The following PTPRO variants were observed in gnomAD, a reference collection of about 807,000 sequenced individuals.
The protein encoded by PTPRO is protein tyrosine phosphatase receptor type O, also known as receptor-type tyrosine-protein phosphatase O.
PTPRO carries 62 observed loss-of-function variants against 145.2 expected under a neutral mutation model. The observed-to-expected ratio is 0.43, with a 90% CI of 0.35 to 0.53. The LOEUF (loss-of-function observed/expected upper bound fraction) is 0.53, where lower values mean the gene tolerates loss of function less well. PTPRO is among the 20% of genes least tolerant of loss of function. PTPRO has a pLI of 0.01. For missense variants in PTPRO, 1,345 were observed against 1,482.7 expected, an observed-to-expected ratio of 0.91 and a Z score of 1.53; for synonymous variants, 565 against 514.7, an observed-to-expected ratio of 1.10 and a Z score of -1.32.
At chr12:15,501,308 A>C (rs1942217052) in intron 4 of PTPRO, among the ~76,000 whole-genome samples, 1 of 152,310 alleles carries the variant, frequency 6.6e-6, no homozygotes, top group African/African-American at 2.4e-5. Flanking sequence ...AATTACGATA[A>C]ACTGAAAAAT....
At chr12:15,500,957 T>C (rs763557299) in intron 4 of PTPRO, among the ~76,000 whole-genome samples, 1 of 151,988 alleles carries the variant, frequency 6.6e-6, no homozygotes, top group Non-Finnish European at 1.5e-5. Context: ...ATGGAAGAGG[T>C]GATAATGGAA....
At chr12:15,513,099 GAA>G (rs1438171649) in intron 7 of PTPRO, among the ~76,000 whole-genome samples, 1 of 17,060 alleles carries the variant, frequency 5.9e-5, no homozygotes, top group Admixed American at 1.2e-3. Context: ...AAAGAAGAAA[GAA>G]AGAAAGAAAG....
intron 1 of PTPRO, among the ~76,000 whole-genome samples, chr12:15,469,776 A>G (rs1313702329): frequency 6.6e-6 from 1 of 151,908 alleles, no homozygotes; most frequent in African/African-American, 2.4e-5. Flanking sequence ...GACAAAAAAA[A>G]AAAAAAAAAA....
intron 1 of PTPRO, among the ~76,000 whole-genome samples, chr12:15,464,585 C>A (rs908775682): frequency 6.6e-6 from 1 of 151,498 alleles, no homozygotes; most frequent in Non-Finnish European, 1.5e-5. Context: ...GGCAGGTCTC[C>A]TGACCTCAAG....
At chr12:15,539,219 G>A (rs1194088760) in intron 12 of PTPRO, among the ~76,000 whole-genome samples, 2 of 151,830 alleles carry the variant, frequency 1.3e-5, no homozygotes, top group Non-Finnish European at 2.9e-5. Context: ...TGTATGTTAT[G>A]TGGGTAATGA....
intron 1 of PTPRO, among the ~76,000 whole-genome samples, chr12:15,388,566 A>G (rs1165891153): frequency 6.6e-6 from 1 of 152,232 alleles, no homozygotes; most frequent in African/African-American, 2.4e-5. Context: ...CTTTAATTGG[A>G]AAAAGTTCAT....
At chr12:15,494,432 C>T (rs1942060159) in intron 2 of PTPRO, among the ~76,000 whole-genome samples, 1 of 152,142 alleles carries the variant, frequency 6.6e-6, no homozygotes, top group Admixed American at 6.5e-5. Flanking sequence ...TCATACCACA[C>T]CACTTAATTT....
intron 23 of PTPRO, among the ~76,000 whole-genome samples, chr12:15,585,069 C>T (rs1944402338): frequency 1.3e-5 from 2 of 152,322 alleles, no homozygotes; most frequent in South Asian, 4.1e-4. Context: ...AGGACCCCTG[C>T]CGTGTAGCTG....
rs191199987 is a variant in PTPRO at position 15,524,152 on chromosome 12, G to A, written c.1892-662G>A. 1.3e-4 allele frequency among the ~76,000 whole-genome samples: 13 copies of A among 102,030 alleles called. No homozygotes were observed. The South Asian group carries it at 2.5e-3, about 19-fold the overall frequency. 66.9% of individuals were successfully genotyped at this position (102,030 alleles called of 152,430 possible). ...AAGCTCAGTGTTAGAATTTAGCTTC[G>A]TGGCTAAAAAAAAAAAAAAAAAAAA... On this transcript the variant is annotated intron_variant, in intron 10 of 26. Coordinates refer to ENST00000281171, the MANE Select transcript of PTPRO (RefSeq NM_030667.3).
intron 25 of PTPRO, 137 bp from the exon 26 acceptor site, chr12:15,594,800 T>C (rs529266636): frequency 1.5e-6 from 1 of 672,780 alleles, no homozygotes; most frequent in African/African-American, 1.8e-5. Context: ...GATTTTCTAG[T>C]TATAAAACTG....
At position 15,521,158 on chromosome 12, in the gene PTPRO, G is replaced by A. The variant is rs1488178191; in HGVS notation, c.1891+846G>A. ...TGAGAAAACAGAGGAGAAAAATACC[G>A]CTTAGAGGAATAATTTTGGCAAATA... On this transcript the variant is annotated intron_variant, in intron 10 of 26. Transcript: ENST00000281171. Among the ~76,000 whole-genome samples the A allele has an allele frequency of 5.3e-5, 8 of 151,926 alleles. No homozygotes were observed. In the East Asian group the frequency reaches 7.7e-4, roughly 15 times the overall value.
At chr12:15,526,589 T>C (rs920241033) in intron 12 of PTPRO, among the ~76,000 whole-genome samples, 2 of 152,208 alleles carry the variant, frequency 1.3e-5, no homozygotes, top group Non-Finnish European at 2.9e-5. Flanking sequence ...CATTCTATTT[T>C]CATATTAATA....
chr12:15,479,851 G>GT (rs1941740799), intron 1 of PTPRO, among the ~76,000 whole-genome samples: 1 of 152,190 alleles, frequency 6.6e-6, no homozygotes, highest in African/African-American at 2.4e-5. Flanking sequence ...CTTCAGATGA[G>GT]TATGAGGATC....
chr12:15,578,782 T>C (rs1276073900), intron 19 of PTPRO, 71 bp from the exon 20 acceptor site: 1 of 1,076,062 alleles, frequency 9.3e-7, no homozygotes, highest in Non-Finnish European at 1.3e-6. Context: ...TTGTGAGCAA[T>C]AAACCAGTTG....
rs374467047 is a variant in PTPRO, at chr12:15,513,440, C to A, written c.1465-2058C>A. Among the ~76,000 whole-genome samples the A allele has an allele frequency of 7.2e-5, 11 of 152,212 alleles. No homozygotes were observed. The South Asian group carries it at 1.5e-3, about 20-fold the overall frequency. Reference sequence around the variant, plus strand: ...AATATGAAAGAAAGAATGAAAATCCCAATTTATTAATTCAATATAATCTTA... The same window carrying A: ...AATATGAAAGAAAGAATGAAAATCCAAATTTATTAATTCAATATAATCTTA... On this transcript the variant is annotated intron_variant, in intron 7 of 26. Transcript: ENST00000281171.
intron 2 of PTPRO, among the ~76,000 whole-genome samples, chr12:15,490,168 G>A (rs1941970998): frequency 6.6e-6 from 1 of 152,172 alleles, no homozygotes; most frequent in South Asian, 2.1e-4. Flanking sequence ...CCTGAATCCT[G>A]CATTGGAATA....
Position 15,508,741 on chromosome 12 carries a change from A to G in PTPRO, c.1438A>G (p.Arg480Gly), listed in dbSNP as rs775867094. 1.2e-6 allele frequency: 2 copies of G among 1,614,152 alleles called. No homozygotes were observed. Among genetic ancestry groups the G allele is most frequent in the South Asian group, 2.2e-5 (2 of 91,088 alleles). Reference sequence around the variant, plus strand: ...CTGCCAGAAACAAAAGGAGAGCCAGAGGCTTGAAAAGCAGTACTGCACTCA... The same window carrying G: ...CTGCCAGAAACAAAAGGAGAGCCAGGGGCTTGAAAAGCAGTACTGCACTCA... ...LTCQKQKESQ[R>G]LEKQYCTQVN... Residue 480 changes from arginine (R) to glycine (G), a missense_variant, in exon 7 of 27, where the codon AGG (arginine) becomes GGG (glycine). By Grantham distance (125) the Arg-to-Gly change is moderately radical. Around this residue, in one of 3 missense-constraint regions of PTPRO, gnomAD observed 1,130 missense variants for 1,214.7 expected, o/e 0.93. Transcript: ENST00000281171.
intron 1 of PTPRO, among the ~76,000 whole-genome samples, chr12:15,381,700 A>G (rs1394009768): frequency 1.3e-5 from 2 of 152,142 alleles, no homozygotes; most frequent in East Asian, 1.9e-4. Context: ...TCCCATGGAA[A>G]ATTTGCTAAC....
intron 1 of PTPRO, among the ~76,000 whole-genome samples, chr12:15,360,852 GTGTGTGTATATA>G (rs1555148645): frequency 4.5e-5 from 5 of 110,624 alleles, no homozygotes; most frequent in South Asian, 3.1e-4. Context: ...GTGTATATAT[GTGTGTGTATATA>G]TGTGTGTATA....
Sources: allele counts gnomAD v4.1 joint callset (sites outside exome capture counted in the v4.1 genomes callset), GRCh38; gene constraint gnomAD v4.1.1; regional missense constraint gnomAD v4.1.1; transcripts MANE v1.5; gene names NCBI Gene and HGNC (gene_info 2026-07-23, HGNC 2026-07-21).